THRB: variants seen among roughly 807,000 people sequenced by gnomAD.
THRB encodes thyroid hormone receptor beta.
In THRB, 12 loss-of-function variants were observed where a neutral mutation model predicts 47.8. That is an observed-to-expected ratio of 0.25 (90% confidence interval 0.16 to 0.41). The LOEUF (loss-of-function observed/expected upper bound fraction) is 0.41, where lower values mean the gene tolerates loss of function less well. Among genes scored for constraint, THRB ranks in the 10% least tolerant of loss-of-function variants. The probability of loss-of-function intolerance (pLI) is 1.00; values close to 1 mark genes in which losing one functional copy is unlikely to be tolerated. For missense variants in THRB, 348 were observed against 589.2 expected (o/e 0.59, Z 4.24); for synonymous variants, 218 against 212.2 (o/e 1.03, Z -0.24).
chr3:24,225,297 C>A (rs1054398172), intron 4 of THRB, among the ~76,000 whole-genome samples: 1 of 152,108 alleles, frequency 6.6e-6, no homozygotes, highest in Admixed American at 6.6e-5. Context: ...TGGCACGCAT[C>A]CCTTCCCTGC....
intron 1 of THRB, among the ~76,000 whole-genome samples, chr3:24,424,038 G>A (rs1240072604): frequency 2.0e-5 from 3 of 151,838 alleles, no homozygotes; most frequent in East Asian, 1.9e-4. Flanking sequence ...CTTAAGAAGA[G>A]GACTTCAGTT....
chr3:24,231,668 TA>T (rs925314923), intron 3 of THRB, among the ~76,000 whole-genome samples: 1 of 152,118 alleles, frequency 6.6e-6, no homozygotes, highest in Non-Finnish European at 1.5e-5. Flanking sequence ...GTAATTCCAG[TA>T]AAGCTTCTAA....
intron 10 of THRB, among the ~76,000 whole-genome samples, chr3:24,127,154 TG>T (rs2032994427): frequency 6.6e-6 from 1 of 152,160 alleles, no homozygotes; most frequent in Non-Finnish European, 1.5e-5. Flanking sequence ...CACAATCGTG[TG>T]GTCACTCACA....
chr3:24,252,597 T>C (rs1018126718), intron 3 of THRB, among the ~76,000 whole-genome samples: 13 of 151,182 alleles, frequency 8.6e-5, no homozygotes, highest in Non-Finnish European at 1.8e-4. Context: ...TCTCACTTCT[T>C]AAACACCTGT....
chr3:24,397,517 T>C (rs2067052642), intron 1 of THRB, among the ~76,000 whole-genome samples: 1 of 152,006 alleles, frequency 6.6e-6, no homozygotes, highest in South Asian at 2.1e-4. Context: ...TTCCTTGCAG[T>C]CACAGAGTAA....
chr3:24,355,540 G>A (rs1175300588), intron 1 of THRB, among the ~76,000 whole-genome samples: 1 of 152,146 alleles, frequency 6.6e-6, no homozygotes, highest in Non-Finnish European at 1.5e-5. Flanking sequence ...TTATGTAAGA[G>A]GCTGTGCTTG....
intron 3 of THRB, among the ~76,000 whole-genome samples, chr3:24,291,189 G>T (rs2055884244): frequency 6.6e-6 from 1 of 152,152 alleles, no homozygotes; most frequent in Admixed American, 6.5e-5. Flanking sequence ...CTTGAAATTT[G>T]TAATTTGGAT....
chr3:24,190,469 A>G (rs1001329334), intron 4 of THRB, 135 bp from the exon 5 acceptor site: 6 of 1,143,622 alleles, frequency 5.2e-6, no homozygotes, highest in East Asian at 2.4e-5. Context: ...GACGGGAGTG[A>G]TAAGATGCAG....
chr3:24,190,020 A>G (rs765643863), intron 5 of THRB, 54 bp downstream of exon 5: 5 of 1,545,148 alleles, frequency 3.2e-6, no homozygotes, highest in South Asian at 2.2e-5. Context: ...TACAACAGGG[A>G]TATTTTTTTT....
chr3:24,221,267 G>C (rs1489698627), intron 4 of THRB, among the ~76,000 whole-genome samples: 1 of 152,170 alleles, frequency 6.6e-6, no homozygotes, highest in Admixed American at 6.5e-5. Flanking sequence ...TGGGAAAATT[G>C]TTTTCTTTTG....
intron 1 of THRB, among the ~76,000 whole-genome samples, chr3:24,364,494 T>C (rs2064310288): frequency 6.6e-6 from 1 of 152,168 alleles, no homozygotes; most frequent in African/African-American, 2.4e-5. Context: ...AGTAAAACTA[T>C]GAAGTAGGTG....
At chr3:24,145,951 A>T (rs1378309901) in intron 7 of THRB, among the ~76,000 whole-genome samples, 2 of 152,166 alleles carry the variant, frequency 1.3e-5, no homozygotes, top group Admixed American at 1.3e-4. Context: ...GAATGACATG[A>T]TTCTTATTTT....
chr3:24,212,320 C>A (rs998898547), intron 4 of THRB, among the ~76,000 whole-genome samples: 7 of 152,094 alleles, frequency 4.6e-5, no homozygotes, highest in Non-Finnish European at 1.0e-4. Flanking sequence ...ATCGCTTGAA[C>A]CTGGGAGGCG....
At chr3:24,401,176 T>C (rs2067368145) in intron 1 of THRB, among the ~76,000 whole-genome samples, 1 of 152,054 alleles carries the variant, frequency 6.6e-6, no homozygotes, top group South Asian at 2.1e-4. Flanking sequence ...GCACGATTAA[T>C]GCACTAGGTT....
chr3:24,404,658 C>A (rs1425669101), intron 1 of THRB, among the ~76,000 whole-genome samples: 1 of 151,708 alleles, frequency 6.6e-6, no homozygotes, highest in Non-Finnish European at 1.5e-5. Context: ...TTTATGGCAA[C>A]ATATAAAGAA....
At chr3:24,452,912 T>A (rs2072806500) in intron 1 of THRB, among the ~76,000 whole-genome samples, 1 of 152,128 alleles carries the variant, frequency 6.6e-6, no homozygotes, top group Non-Finnish European at 1.5e-5. Context: ...TATATTTCAG[T>A]TCGAATTTGA....
intron 2 of THRB, among the ~76,000 whole-genome samples, chr3:24,320,347 G>A (rs972637231): frequency 4.6e-5 from 7 of 152,112 alleles, no homozygotes; most frequent in African/African-American, 7.2e-5. Flanking sequence ...GAGTTGAACC[G>A]GATTATCACG....
intron 1 of THRB, among the ~76,000 whole-genome samples, chr3:24,473,299 CAA>C (rs67777492): frequency 0.021 from 3,209 of 152,184 alleles, 91 homozygotes; most frequent in African/African-American, 0.072. Context: ...CTCAGAAAAC[CAA>C]AAGAGACAAT....
chr3:24,329,169 T>A (rs1366571037), intron 2 of THRB, among the ~76,000 whole-genome samples: 1 of 152,156 alleles, frequency 6.6e-6, no homozygotes, highest in Non-Finnish European at 1.5e-5. Flanking sequence ...GGTCTCAAAC[T>A]CCTGGCCCCA....
Sources: gnomAD v4.1 joint callset for allele counts (sites outside exome capture counted in the v4.1 genomes callset) on GRCh38, gnomAD v4.1.1 for gene constraint, MANE v1.5 for transcripts, NCBI Gene and HGNC (gene_info 2026-07-23, HGNC 2026-07-21) for gene names.